Variants in SDK1 observed in about 807,000 individuals in gnomAD.
SDK1 encodes the protein sidekick cell adhesion molecule 1, also known as protein sidekick-1.
SDK1 carries 157 observed loss-of-function variants against 245.5 expected under a neutral mutation model. That is an observed-to-expected ratio of 0.64 (90% CI 0.56 to 0.73). The LOEUF is 0.73. Among genes scored for constraint, SDK1 ranks in the 30% least tolerant of loss-of-function variants. The pLI is 0.00. For synonymous variants in SDK1, 1,647 were observed against 1,278.5 expected (o/e 1.29, Z -6.15); for missense variants, 3,583 against 3,002.3 (o/e 1.19, Z -4.52).
chr7:4,235,006 T>C (rs920651012), intron 41 of SDK1, among the ~76,000 whole-genome samples: 1 of 152,166 alleles, frequency 6.6e-6, no homozygotes, highest in African/African-American at 2.4e-5. Context: ...GAAATTGAAC[T>C]TAACCTTCGT....
At chr7:3,586,540 A>G (rs1780694372) in intron 1 of SDK1, among the ~76,000 whole-genome samples, 1 of 149,048 alleles carries the variant, frequency 6.7e-6, no homozygotes, top group African/African-American at 2.5e-5. Flanking sequence ...TACAAAAAAT[A>G]CAAAAAAAAA....
chr7:3,661,511 C>G (rs1783355007), intron 4 of SDK1, among the ~76,000 whole-genome samples: 1 of 151,928 alleles, frequency 6.6e-6, no homozygotes, highest in South Asian at 2.1e-4. Flanking sequence ...TTGTAAATGC[C>G]CTGGATTTGA....
chr7:3,743,836 C>G (rs1203401400), intron 4 of SDK1, among the ~76,000 whole-genome samples: 2 of 152,108 alleles, frequency 1.3e-5, no homozygotes, highest in African/African-American at 2.4e-5. Context: ...ATGCCTGGAC[C>G]TTACTGGCCA....
intron 1 of SDK1, among the ~76,000 whole-genome samples, chr7:3,329,499 A>G (rs564208198): frequency 6.6e-6 from 1 of 152,308 alleles, no homozygotes; most frequent in East Asian, 1.9e-4. Context: ...TCCCTAAAAG[A>G]AGCCTCACCC....
intron 4 of SDK1, among the ~76,000 whole-genome samples, chr7:3,658,036 A>G (rs1783242841): frequency 6.6e-6 from 1 of 152,142 alleles, no homozygotes; most frequent in Non-Finnish European, 1.5e-5. Context: ...GGGCCCCGTG[A>G]TGCTTGGTGT....
At chr7:3,585,174 C>A (rs1174315967) in intron 1 of SDK1, among the ~76,000 whole-genome samples, 1 of 152,158 alleles carries the variant, frequency 6.6e-6, no homozygotes, top group Admixed American at 6.5e-5. Context: ...AGGACCTGAG[C>A]AAAGATAGAC....
At chr7:3,350,526 A>T (rs1337501044) in intron 1 of SDK1, among the ~76,000 whole-genome samples, 1 of 152,204 alleles carries the variant, frequency 6.6e-6, no homozygotes, top group African/African-American at 2.4e-5. Context: ...TAAATTAATA[A>T]TACTGATAGT....
At chr7:3,324,478 G>A (rs1322939519) in intron 1 of SDK1, among the ~76,000 whole-genome samples, 1 of 152,124 alleles carries the variant, frequency 6.6e-6, no homozygotes, top group East Asian at 1.9e-4. Context: ...TGTGTAAAAT[G>A]TTTGGAGGAT....
intron 35 of SDK1, among the ~76,000 whole-genome samples, chr7:4,185,652 C>T (rs189235302): frequency 1.2e-3 from 185 of 152,326 alleles, no homozygotes; most frequent in African/African-American, 4.2e-3. Context: ...TTAGCTGTTT[C>T]TTCCTCTGCT....
intron 13 of SDK1, among the ~76,000 whole-genome samples, chr7:3,979,791 C>T (rs1783253995): frequency 6.6e-6 from 1 of 152,188 alleles, no homozygotes. Flanking sequence ...AAGCATCTTC[C>T]TGTATTGAGC....
intron 19 of SDK1, among the ~76,000 whole-genome samples, chr7:4,052,685 G>C (rs928511357): frequency 2.0e-5 from 3 of 152,104 alleles, no homozygotes; most frequent in Admixed American, 6.6e-5. Context: ...TTTAAGACTT[G>C]TTATCCCTAT....
chr7:3,398,156 G>C (rs1388482439), intron 1 of SDK1, among the ~76,000 whole-genome samples: 1 of 152,034 alleles, frequency 6.6e-6, no homozygotes, highest in East Asian at 1.9e-4. Context: ...TGTAACTGTA[G>C]GTTTCACAGG....
chr7:3,707,157 A>G (rs1237995503), intron 4 of SDK1, among the ~76,000 whole-genome samples: 2 of 152,142 alleles, frequency 1.3e-5, no homozygotes, highest in Non-Finnish European at 2.9e-5. Context: ...TTGTCAATTT[A>G]TGATCTTTCA....
chr7:3,740,210 G>T (rs1487527760), intron 4 of SDK1, among the ~76,000 whole-genome samples: 3 of 152,122 alleles, frequency 2.0e-5, no homozygotes, highest in African/African-American at 7.2e-5. Flanking sequence ...ACGTCAAATT[G>T]TATGTCAGTC....
chr7:3,924,804 T>G (rs1779711733), intron 5 of SDK1, among the ~76,000 whole-genome samples: 1 of 152,146 alleles, frequency 6.6e-6, no homozygotes, highest in Non-Finnish European at 1.5e-5. Context: ...CTCTTCCCAC[T>G]TGAAGTGTTT....
chr7:4,259,465 A>G (rs1273269574), intron 44 of SDK1, among the ~76,000 whole-genome samples: 2 of 152,202 alleles, frequency 1.3e-5, no homozygotes, highest in African/African-American at 4.8e-5. Flanking sequence ...TTAAACAGCC[A>G]CAAATACAGA....
intron 44 of SDK1, among the ~76,000 whole-genome samples, chr7:4,254,951 C>T (rs965935517): frequency 1.3e-5 from 2 of 152,280 alleles, no homozygotes; most frequent in Non-Finnish European, 1.5e-5. Context: ...CCATGATTGG[C>T]GTCATACCCA....
chr7:3,458,046 C>T (rs751224863), intron 1 of SDK1, among the ~76,000 whole-genome samples: 6 of 152,166 alleles, frequency 3.9e-5, no homozygotes, highest in Non-Finnish European at 8.8e-5. Flanking sequence ...ATTCTCTTGA[C>T]AATGGAAGTG....
intron 13 of SDK1, among the ~76,000 whole-genome samples, chr7:3,983,749 A>T (rs1050292539): frequency 6.6e-6 from 1 of 152,208 alleles, no homozygotes; most frequent in African/African-American, 2.4e-5. Context: ...GGATTTTCAC[A>T]GAGGGGAGAG....
Sources: gnomAD v4.1 joint callset for allele counts (sites outside exome capture counted in the v4.1 genomes callset) on GRCh38, gnomAD v4.1.1 for gene constraint, MANE v1.5 for transcripts, NCBI Gene and HGNC (gene_info 2026-07-23, HGNC 2026-07-21) for gene names.